Variants in CHLSN observed in about 807,000 individuals in gnomAD.
CHLSN encodes protein cholesin.
At chr7:1,070,983 C>T in the CHLSN span, among the ~76,000 whole-genome samples, 14 of 151,384 alleles carry the variant, frequency 9.2e-5, no homozygotes, top group Admixed American at 2.6e-4. Flanking sequence ...CACATGCACA[C>T]GGGCACACAC....
At chr7:987,966 T>A in the CHLSN span, among the ~76,000 whole-genome samples, 1 of 114,280 alleles carries the variant, frequency 8.8e-6, no homozygotes, top group African/African-American at 4.0e-5. Flanking sequence ...GGGGGTCCCC[T>A]CTGTGTGTCC....
At chr7:1,046,787 C>T in the CHLSN span, among the ~76,000 whole-genome samples, 1 of 152,202 alleles carries the variant, frequency 6.6e-6, no homozygotes, top group South Asian at 2.1e-4. Flanking sequence ...AAGGACTTTC[C>T]CCATTTTAAT....
chr7:1,002,712 T>G, the CHLSN span, among the ~76,000 whole-genome samples: 3 of 64,660 alleles, frequency 4.6e-5, no homozygotes, highest in African/African-American at 7.7e-5. Context: ...TGTGGGTGAG[T>G]GGAGCCCTGT....
the CHLSN span, among the ~76,000 whole-genome samples, chr7:1,102,968 G>A: frequency 6.6e-6 from 1 of 152,214 alleles, no homozygotes; most frequent in Admixed American, 6.5e-5. Context: ...GCACACCAGG[G>A]AGCGGGAAGA....
chr7:984,332 A>G, the CHLSN span: 1 of 1,491,796 alleles, frequency 6.7e-7, no homozygotes. Flanking sequence ...ACCCCTACCC[A>G]GCACAGGCCC....
chr7:987,827 G>A, the CHLSN span, among the ~76,000 whole-genome samples: 1 of 151,420 alleles, frequency 6.6e-6, no homozygotes, highest in African/African-American at 2.4e-5. Flanking sequence ...GGTGTGTCCT[G>A]GGGGTCCCCT....
the CHLSN span, among the ~76,000 whole-genome samples, chr7:1,081,162 G>C: frequency 6.6e-6 from 1 of 152,250 alleles, no homozygotes; most frequent in East Asian, 1.9e-4. Flanking sequence ...CGTCATCCAG[G>C]GCCACCAGGG....
the CHLSN span, among the ~76,000 whole-genome samples, chr7:1,033,355 C>G: frequency 2.2e-4 from 34 of 152,172 alleles, no homozygotes; most frequent in Non-Finnish European, 4.4e-4. Context: ...GTCGGGAGTT[C>G]AAGACCAGCC....
chr7:1,093,084 G>A, the CHLSN span: 110,368 of 684,992 alleles, frequency 0.16, 9,595 homozygotes, highest in Admixed American at 0.2. Flanking sequence ...ATCCCAAAGC[G>A]CTCGCCCCGC....
chr7:992,000 C>G, the CHLSN span, among the ~76,000 whole-genome samples: 2 of 151,330 alleles, frequency 1.3e-5, no homozygotes, highest in African/African-American at 4.9e-5. Flanking sequence ...ACTCAGGCAG[C>G]AGGCAGCCCG....
chr7:1,002,327 G>C, the CHLSN span, among the ~76,000 whole-genome samples: 1 of 135,736 alleles, frequency 7.4e-6, no homozygotes, highest in African/African-American at 2.8e-5. Context: ...GGAATCCTGT[G>C]GGTGTGGAGC....
the CHLSN span, among the ~76,000 whole-genome samples, chr7:1,130,051 T>G: frequency 4.3e-4 from 65 of 151,954 alleles, no homozygotes; most frequent in African/African-American, 1.5e-3. Context: ...CACCCTCGGG[T>G]GGAGGGGCTC....
the CHLSN span, among the ~76,000 whole-genome samples, chr7:1,131,191 T>TAA: frequency 2.6e-5 from 3 of 117,196 alleles, no homozygotes; most frequent in Non-Finnish European, 5.1e-5. Flanking sequence ...ACCTTGTGTT[T>TAA]AAAAAAAAAA....
At chr7:1,083,421 G>A in the CHLSN span, among the ~76,000 whole-genome samples, 3 of 151,940 alleles carry the variant, frequency 2.0e-5, no homozygotes, top group African/African-American at 4.8e-5. Context: ...TCAGGAGATC[G>A]AGACCATCCT....
the CHLSN span, chr7:997,845 G>A: frequency 1.3e-6 from 2 of 1,545,000 alleles, no homozygotes; most frequent in African/African-American, 2.8e-5. Context: ...GGCGGGGCAG[G>A]GAGGGGCCGC....
chr7:987,166 G>T, the CHLSN span: 1 of 1,571,274 alleles, frequency 6.4e-7, no homozygotes, highest in Non-Finnish European at 8.6e-7. Context: ...CCCTGGACAT[G>T]GTCATGGCCG....
the CHLSN span, among the ~76,000 whole-genome samples, chr7:1,072,478 T>G: frequency 6.6e-6 from 1 of 152,218 alleles, no homozygotes; most frequent in Non-Finnish European, 1.5e-5. Context: ...GTTCTGCTTC[T>G]GCGCTTAGGC....
At chr7:1,000,795 C>T in the CHLSN span, among the ~76,000 whole-genome samples, 284 of 152,342 alleles carry the variant, frequency 1.9e-3, 1 homozygote, top group African/African-American at 6.6e-3. Context: ...TTGGCCACCC[C>T]GGGGCTCACC....
At chr7:984,009 G>A in the CHLSN span, among the ~76,000 whole-genome samples, 7 of 152,268 alleles carry the variant, frequency 4.6e-5, no homozygotes, top group Admixed American at 1.3e-4. Flanking sequence ...GCTGCTGGCC[G>A]GGCTGTAGCC....
Sources: gnomAD v4.1 joint callset for allele counts (sites outside exome capture counted in the v4.1 genomes callset) on GRCh38, gnomAD v4.1.1 for gene constraint, MANE v1.5 for transcripts, NCBI Gene and HGNC (gene_info 2026-07-23, HGNC 2026-07-21) for gene names.